KIF15: variants seen among roughly 807,000 people sequenced by gnomAD.
KIF15 encodes the protein kinesin-like protein KIF15.
A neutral mutation model predicts 190.6 loss-of-function variants in KIF15; 140 were observed. The observed-to-expected ratio is 0.73, with a 90% CI of 0.64 to 0.84. KIF15 has a LOEUF of 0.84. Among genes scored for constraint, KIF15 ranks in the 40% least tolerant of loss-of-function variants. The pLI is 0.00. For missense variants in KIF15, 1,372 were observed against 1,584.4 expected, an observed-to-expected ratio of 0.87 and a Z score of 2.28; for synonymous variants, 528 against 551.3, an observed-to-expected ratio of 0.96 and a Z score of 0.59.
chr3:44,800,616 A>G (rs988489936), intron 11 of KIF15, among the ~76,000 whole-genome samples, 179 bp downstream of exon 11: 2 of 152,254 alleles, frequency 1.3e-5, no homozygotes, highest in African/African-American at 4.8e-5. Flanking sequence ...CAGATACCAT[A>G]GGCAGTGAGA....
chr3:44,822,356 T>A (rs1294830016), intron 20 of KIF15, among the ~76,000 whole-genome samples: 1 of 152,146 alleles, frequency 6.6e-6, no homozygotes, highest in African/African-American at 2.4e-5. Context: ...GCTTGTAGAG[T>A]TTCTGCTGAG....
At chr3:44,829,880 T>C (rs573972175) in intron 24 of KIF15, 91 bp from the exon 25 acceptor site, 1 of 439,964 alleles carries the variant, frequency 2.3e-6, no homozygotes, top group Non-Finnish European at 4.0e-6. Flanking sequence ...TGACTTATAT[T>C]GCCATTAGGA....
chr3:44,806,102 A>AACACCAGTGTG, intron 16 of KIF15, 116 bp downstream of exon 16: 3 of 1,147,036 alleles, frequency 2.6e-6, no homozygotes, highest in Non-Finnish European at 3.7e-6. Flanking sequence ...GCAGGTAATT[A>AACACCAGTGTG]ACACCGGTGT....
chr3:44,819,265 G>A (rs1435671833), intron 20 of KIF15, among the ~76,000 whole-genome samples: 1 of 152,074 alleles, frequency 6.6e-6, no homozygotes, highest in Non-Finnish European at 1.5e-5. Flanking sequence ...TCTGATCTTA[G>A]TTATTTCCTG....
chr3:44,830,166 G>T (rs1332233800), intron 25 of KIF15, 91 bp downstream of exon 25: 1 of 535,342 alleles, frequency 1.9e-6, no homozygotes, highest in East Asian at 3.7e-5. Flanking sequence ...CCAGAAAAAA[G>T]ATTCTGTGGT....
intron 28 of KIF15, among the ~76,000 whole-genome samples, 199 bp downstream of exon 28, chr3:44,840,655 ATTTTTTTTTTTT>A (rs60621752): frequency 1.6e-4 from 11 of 67,024 alleles, no homozygotes; most frequent in Admixed American, 9.0e-4. Context: ...TAAGCAGCGG[ATTTTTTTTTTTT>A]TTTTTTTTTT....
intron 5 of KIF15, among the ~76,000 whole-genome samples, chr3:44,783,036 C>G (rs1262391794): frequency 6.6e-6 from 1 of 152,170 alleles, no homozygotes; most frequent in Non-Finnish European, 1.5e-5. Flanking sequence ...AAGGATTACT[C>G]AGGCAGCTAA....
chr3:44,824,729 C>A (rs1161188326), intron 20 of KIF15, among the ~76,000 whole-genome samples: 1 of 152,126 alleles, frequency 6.6e-6, no homozygotes, highest in Non-Finnish European at 1.5e-5. Flanking sequence ...TACTTAAATT[C>A]TATTTTCATC....
intron 6 of KIF15, chr3:44,865,417 C>A: frequency 5.7e-6 from 3 of 526,068 alleles, no homozygotes; most frequent in Non-Finnish European, 1.0e-5. Flanking sequence ...CCTCCCAGGC[C>A]TACCCCAGTG....
chr3:44,812,672 C>T lies in KIF15; in HGVS notation c.2277+383C>T, dbSNP rs541535481. Among the ~76,000 whole-genome samples, 8 of 152,172 alleles carry T rather than the reference C, an allele frequency of 5.3e-5. No individual in the cohort carries two copies. The East Asian group carries it at 1.2e-3, about 22-fold the overall frequency. On this transcript the variant is annotated intron_variant, in intron 18 of 34. Coordinates refer to ENST00000326047, the MANE Select transcript of KIF15 (RefSeq NM_020242.3). ...TTTCTTCTGGTCAGAGACGTTAAAG[C>T]TAGACTTTAAAAACAGGGACAGGTT...
intron 5 of KIF15, among the ~76,000 whole-genome samples, chr3:44,784,176 T>A (rs1480229248): frequency 6.6e-6 from 1 of 152,234 alleles, no homozygotes; most frequent in Admixed American, 6.5e-5. Context: ...CAGTTAATTC[T>A]TTCTTTTTGT....
At chr3:44,848,248 T>A (rs1698936562) in intron 31 of KIF15, among the ~76,000 whole-genome samples, 191 bp downstream of exon 31, 1 of 152,246 alleles carries the variant, frequency 6.6e-6, no homozygotes, top group Non-Finnish European at 1.5e-5. Context: ...TCTTCATGCC[T>A]ACATGGCAAG....
chr3:44,832,250 G>C (rs1321308835), intron 26 of KIF15, among the ~76,000 whole-genome samples: 1 of 152,310 alleles, frequency 6.6e-6, no homozygotes, highest in Non-Finnish European at 1.5e-5. Context: ...GCCAATACAA[G>C]GTGCTGGCAG....
chr3:44,859,748 CCTG>C (rs1395259723), intron 6 of KIF15, among the ~76,000 whole-genome samples: 1 of 152,146 alleles, frequency 6.6e-6, no homozygotes, highest in Non-Finnish European at 1.5e-5. Flanking sequence ...ATGGCTTCAG[CCTG>C]GGAGCTCAAG....
intron 1 of KIF15, among the ~76,000 whole-genome samples, chr3:44,768,373 ATCAGGCACGCG>A (rs1373972945): frequency 6.6e-6 from 1 of 152,124 alleles, no homozygotes; most frequent in Admixed American, 6.6e-5. Flanking sequence ...ACCAGGAAAA[ATCAGGCACGCG>A]GACACATCGA....
intron 16 of KIF15, among the ~76,000 whole-genome samples, chr3:44,806,973 T>C (rs1308526164): frequency 6.6e-6 from 1 of 152,106 alleles, no homozygotes; most frequent in Non-Finnish European, 1.5e-5. Context: ...CTCGAACTCA[T>C]GACCTCGTGA....
At chr3:44,833,625 G>A (rs750086773) in intron 26 of KIF15, among the ~76,000 whole-genome samples, 6,919 of 152,154 alleles carry the variant, frequency 0.045, 205 homozygotes, top group Non-Finnish European at 0.065. Context: ...GATGGGGAAT[G>A]GCTGTAAATA....
chr3:44,868,192 A>G (rs1156732688), intron 6 of KIF15, among the ~76,000 whole-genome samples: 2 of 152,220 alleles, frequency 1.3e-5, no homozygotes, highest in East Asian at 1.9e-4. Flanking sequence ...GACATTTCAT[A>G]TAAATGGATT....
At chr3:44,856,873 G>A (rs1180312410), downstream of KIF15, among the ~76,000 whole-genome samples, 1 of 152,196 alleles carries the variant, frequency 6.6e-6, no homozygotes, top group Non-Finnish European at 1.5e-5. Flanking sequence ...CATAGAGTCA[G>A]TATAAATACT....
Sources: gnomAD v4.1 joint callset for allele counts (sites outside exome capture counted in the v4.1 genomes callset) on GRCh38, gnomAD v4.1.1 for gene constraint, MANE v1.5 for transcripts, NCBI Gene and HGNC (gene_info 2026-07-23, HGNC 2026-07-21) for gene names.